The following MARCHF1 variants were observed in gnomAD, a reference collection of about 807,000 sequenced individuals.
The protein encoded by MARCHF1 is E3 ubiquitin-protein ligase MARCHF1.
A neutral mutation model predicts 54.2 loss-of-function variants in MARCHF1; 40 were observed. That is an observed-to-expected ratio of 0.74 (90% CI 0.57 to 0.96). The LOEUF is 0.96. MARCHF1 is among the 40% of genes least tolerant of loss of function. MARCHF1 has a pLI of 0.00. For missense variants in MARCHF1, 586 were observed against 656.5 expected (o/e 0.89, Z 1.17); for synonymous variants, 236 against 236.3 (o/e 1.00, Z 0.01).
intron 1 of MARCHF1, among the ~76,000 whole-genome samples, chr4:164,292,585 C>CCACAAGGA (rs1734310451): frequency 6.6e-6 from 1 of 152,080 alleles, no homozygotes; most frequent in African/African-American, 2.4e-5. Flanking sequence ...TACTGTCATG[C>CCACAAGGA]CACAAGGATT....
At position 164,188,816 on chromosome 4, in the gene MARCHF1, G is replaced by A. The variant is rs534730094; in HGVS notation, c.-322-77154C>T. The A allele has an allele frequency of 1.3e-5, 11 of 816,414 alleles. No individual in the cohort carries two copies. The South Asian group carries it at 1.5e-4, about 11-fold the overall frequency. The allele number at this position is 816,414 out of a possible 1,614,324, so 50.6% of individuals were successfully genotyped here. A position where few individuals can be genotyped will look rare whatever the true frequency, so the allele number is the denominator to read the frequency against. ...GACATTTGCTCCTGAAGAAATTTCTGCCATGGTTCTCACTAAAATGCAATA... is the reference window on the plus strand; with the variant it reads ...GACATTTGCTCCTGAAGAAATTTCTACCATGGTTCTCACTAAAATGCAATA... On this transcript the variant is annotated intron_variant, in intron 1 of 9. Transcript: ENST00000514618.
At chr4:163,705,767 T>C (rs1744932938) in intron 4 of MARCHF1, among the ~76,000 whole-genome samples, 2 of 152,036 alleles carry the variant, frequency 1.3e-5, no homozygotes, top group South Asian at 2.1e-4. Flanking sequence ...ATAGAACCTC[T>C]ATTAGGGGTG....
At chr4:164,222,283 C>T (rs964987234) in intron 1 of MARCHF1, among the ~76,000 whole-genome samples, 72 of 148,110 alleles carry the variant, frequency 4.9e-4, no homozygotes, top group African/African-American at 1.8e-3. Flanking sequence ...CTTTTTTATC[C>T]TTCTGCTTTC....
rs181108014 is a variant in MARCHF1, at chr4:163,676,752, C to T, written c.162+24061G>A. On this transcript the variant is annotated intron_variant, in intron 5 of 9. Coordinates refer to ENST00000514618, the MANE Select transcript of MARCHF1 (RefSeq NM_001394959.1). Reference sequence around the variant, plus strand: ...TAGGTGACAAGGTGAGACCCTGTCCCAAAAAGAAATAATAAATAAAATAAG... The same window carrying T: ...TAGGTGACAAGGTGAGACCCTGTCCTAAAAAGAAATAATAAATAAAATAAG... 2.8e-3 allele frequency among the ~76,000 whole-genome samples: 421 copies of T among 151,082 alleles called. 2 individuals are homozygous for T. The highest frequency in any genetic ancestry group is 9.5e-3 in the African/African-American group (391 of 41,106).
intron 9 of MARCHF1, among the ~76,000 whole-genome samples, chr4:163,534,863 T>C (rs1738476013): frequency 6.6e-6 from 1 of 152,090 alleles, no homozygotes. Flanking sequence ...ACTGTTGTTA[T>C]CTAGTGGTAA....
intron 4 of MARCHF1, among the ~76,000 whole-genome samples, chr4:163,753,348 A>G (rs1479537957): frequency 6.6e-6 from 1 of 152,186 alleles, no homozygotes; most frequent in Non-Finnish European, 1.5e-5. Flanking sequence ...AACAATTAAT[A>G]AAGATAATGA....
At chr4:164,342,303 G>A (rs1184052996) in intron 1 of MARCHF1, among the ~76,000 whole-genome samples, 2 of 151,998 alleles carry the variant, frequency 1.3e-5, no homozygotes, top group African/African-American at 2.4e-5. Flanking sequence ...AAAGTCAAAA[G>A]ATAACAAGCA....
At chr4:164,115,872 A>C (rs1314370261) in intron 1 of MARCHF1, among the ~76,000 whole-genome samples, 3 of 151,736 alleles carry the variant, frequency 2.0e-5, no homozygotes, top group Non-Finnish European at 1.5e-5. Flanking sequence ...CATAGTTCCC[A>C]CAGATATACA....
intron 8 of MARCHF1, among the ~76,000 whole-genome samples, chr4:163,552,100 G>A (rs1018010023): frequency 6.6e-6 from 1 of 152,032 alleles, no homozygotes; most frequent in Non-Finnish European, 1.5e-5. Context: ...TCTCTTCCAC[G>A]TTAGGTCCAC....
At chr4:163,984,133 C>T (rs1440620209) in intron 3 of MARCHF1, among the ~76,000 whole-genome samples, 2 of 151,942 alleles carry the variant, frequency 1.3e-5, no homozygotes, top group South Asian at 2.1e-4. Context: ...AACAGATCTC[C>T]AGCTACTTTG....
At chr4:163,614,981 G>A (rs1156350503) in intron 5 of MARCHF1, among the ~76,000 whole-genome samples, 1 of 152,092 alleles carries the variant, frequency 6.6e-6, no homozygotes, top group Non-Finnish European at 1.5e-5. Context: ...TAGAAAATGA[G>A]TTCTAGAGTT....
At chr4:163,778,220 T>TA (rs1416861509) in intron 4 of MARCHF1, among the ~76,000 whole-genome samples, 2 of 152,228 alleles carry the variant, frequency 1.3e-5, no homozygotes, top group Admixed American at 6.5e-5. Flanking sequence ...AGAAAGCTGT[T>TA]ACAATTGTTT....
intron 1 of MARCHF1, among the ~76,000 whole-genome samples, chr4:164,378,615 G>A (rs1182220961): frequency 1.3e-5 from 2 of 152,202 alleles, no homozygotes; most frequent in Admixed American, 6.5e-5. Flanking sequence ...GTCACTGGGT[G>A]GATTACAACT....
intron 1 of MARCHF1, among the ~76,000 whole-genome samples, chr4:164,378,953 T>C (rs1731281292): frequency 6.6e-6 from 1 of 152,182 alleles, no homozygotes. Context: ...CCTCAGGTGA[T>C]CCACCTGCCT....
intron 2 of MARCHF1, among the ~76,000 whole-genome samples, chr4:164,064,066 CT>C (rs1754677000): frequency 6.6e-6 from 1 of 151,972 alleles, no homozygotes; most frequent in South Asian, 2.1e-4. Flanking sequence ...TACTGTAGCC[CT>C]GTAGTATAGT....
At chr4:163,897,193 C>T (rs1169383779) in intron 3 of MARCHF1, among the ~76,000 whole-genome samples, 3 of 152,172 alleles carry the variant, frequency 2.0e-5, no homozygotes, top group Admixed American at 2.0e-4. Flanking sequence ...ACACCCAACT[C>T]ATTGTCCAGC....
At chr4:164,124,583 T>A (rs2110789390) in intron 1 of MARCHF1, among the ~76,000 whole-genome samples, 1 of 151,186 alleles carries the variant, frequency 6.6e-6, no homozygotes, top group South Asian at 2.1e-4. Context: ...CACAACGGAG[T>A]ACTATTCTGC....
Position 163,612,653 on chromosome 4 carries a change from C to T in MARCHF1, c.628G>A (p.Val210Ile), listed in dbSNP as rs780197050. ...GSSTPNGIEL[V>I]DLGSKGKEQQ... ...TCTTTACCTTTGGATCCCAGATCAA[C>T]GAGCTCAATTCCGTTAGGAGTGGAA... is the stretch of plus-strand genomic sequence containing the variant. The change falls in exon 7 of 10, where the codon GTT becomes ATT. Residue 210 changes from valine to isoleucine, a missense_variant. This residue lies in a region of MARCHF1 where 387 missense variants were observed against 394.6 expected (regional missense o/e 0.98). Transcript: ENST00000514618. The T allele has an allele frequency of 3.1e-5, 47 of 1,535,452 alleles. No homozygotes were observed. In the South Asian group the frequency reaches 5.2e-4, roughly 17 times the overall value.
chr4:163,753,743 A>C (rs1746590150), intron 4 of MARCHF1, among the ~76,000 whole-genome samples: 1 of 152,226 alleles, frequency 6.6e-6, no homozygotes. Context: ...TTTTCTTCTT[A>C]TTCTACTATA....
Sources: allele counts gnomAD v4.1 joint callset (sites outside exome capture counted in the v4.1 genomes callset), GRCh38; gene constraint gnomAD v4.1.1; regional missense constraint gnomAD v4.1.1; transcripts MANE v1.5; gene names NCBI Gene and HGNC (gene_info 2026-07-23, HGNC 2026-07-21).